The following SPTBN2 variants were observed in gnomAD, a reference collection of about 807,000 sequenced individuals.
SPTBN2 encodes spectrin beta chain, non-erythrocytic 2.
SPTBN2 carries 107 observed loss-of-function variants against 284.2 expected under a neutral mutation model. The ratio of observed to expected loss-of-function variants is 0.38; its 90% CI spans 0.32 to 0.44. SPTBN2 has a LOEUF of 0.44. Ranked by LOEUF, SPTBN2 falls within the 20% of genes least tolerant of loss-of-function variation. The pLI is 1.00. For missense variants in SPTBN2, 2,569 were observed against 3,287.1 expected (o/e 0.78, Z 5.34); for synonymous variants, 1,289 against 1,354.8 (o/e 0.95, Z 1.07).
rs373276784 is a variant in SPTBN2, at chr11:66,689,928, C to T, written c.5826G>A (p.Ala1942=). The T allele has an allele frequency of 1.9e-5, 30 of 1,614,068 alleles. 1 individual carries two copies. The highest frequency in any genetic ancestry group is 5.0e-5 in the Admixed American group (3 of 60,014). Residue 1942 remains alanine, a synonymous_variant, in exon 29 of 38, where the codon GCG becomes GCA. Transcript: ENST00000533211. ...AQERPRDVSS[A]DLVIKNQQGI... ...CTTGCTGGTTCTTGATGACTAGATCCGCGGAGGACACATCCCTGGGGGGAG... is the reference window on the plus strand; with the variant it reads ...CTTGCTGGTTCTTGATGACTAGATCTGCGGAGGACACATCCCTGGGGGGAG...
Position 66,705,124 on chromosome 11 carries a change from C to G in SPTBN2, c.2152G>C (p.Ala718Pro), listed in dbSNP as rs767345391. The change falls in exon 15 of 38, where the codon GCC becomes CCC. Residue 718 changes from alanine to proline, a missense_variant. By Grantham distance (27) the Ala-to-Pro change is conservative (BLOSUM62 -1). This residue lies in a region of SPTBN2 where 1,012 missense variants were observed against 1,248.9 expected (regional missense o/e 0.81). Coordinates refer to ENST00000533211, the MANE Select transcript of SPTBN2 (RefSeq NM_006946.4). ...TGGAGTTCAGCTGCACGGGCAGAGGCCTGGCTTGCCCCAGGGTGACCCTCG... is the reference window on the plus strand; with the variant it reads ...TGGAGTTCAGCTGCACGGGCAGAGGGCTGGCTTGCCCCAGGGTGACCCTCG... ...VAEGHPGASQ[A>P]SARAAELQAQ... The G allele has an allele frequency of 5.2e-6, 8 of 1,546,224 alleles. 1 individual carries two copies. In the South Asian group the frequency reaches 7.0e-5, roughly 14 times the overall value.
At chr11:66,706,255 A>G (rs548882603) in intron 13 of SPTBN2, among the ~76,000 whole-genome samples, 23 of 152,348 alleles carry the variant, frequency 1.5e-4, no homozygotes, top group African/African-American at 5.5e-4. Flanking sequence ...CCTTCTTCAG[A>G]GTAGCCAAAG....
Position 66,692,970 on chromosome 11 carries a change from C to A in SPTBN2, c.4985G>T (p.Ser1662Ile). 1.2e-6 allele frequency: 2 copies of A among 1,604,700 alleles called. No homozygotes were observed. The highest frequency in any genetic ancestry group is 1.7e-6 in the Non-Finnish European group (2 of 1,179,956). ...TGGGCCGGGCTGCCGCTGCACCCAC[C>A]TCTCTGGGTGCTCGTGGTCAATCAT... ...QDMIDHEHPE[S>I]TRISIRQAQV... The change falls in exon 25 of 38, where the codon AGC becomes ATC. Residue 1662 changes from serine (S) to isoleucine (I), a missense_variant and splice_region_variant. Physicochemically the swap from Ser to Ile is moderately radical, Grantham distance 142. Transcript: ENST00000533211.
chr11:66,712,030 C>T (rs1941889899), intron 8 of SPTBN2, among the ~76,000 whole-genome samples: 2 of 152,176 alleles, frequency 1.3e-5, no homozygotes, highest in African/African-American at 2.4e-5. Flanking sequence ...CTGGTTGCAC[C>T]AAGATTGGTC....
Position 66,683,705 on chromosome 11 carries a change from T to TA in SPTBN2, c.*2165dup, listed in dbSNP as rs764640164. ...TTCAATTGGCTGTCCTATTTACACT[T>TA]ACGTGTCGTGTTAAAATAATCATTT... On this transcript the variant is annotated 3_prime_UTR_variant, in exon 38 of 38. Coordinates refer to ENST00000533211, the MANE Select transcript of SPTBN2 (RefSeq NM_006946.4). Among the ~76,000 whole-genome samples the TA allele has an allele frequency of 6.6e-5, 10 of 152,370 alleles. No homozygotes were observed. Among genetic ancestry groups the TA allele is most frequent in the Non-Finnish European group, 8.8e-5 (6 of 68,034 alleles).
intron 1 of SPTBN2, among the ~76,000 whole-genome samples, chr11:66,740,124 G>C (rs537516731): frequency 6.6e-6 from 1 of 152,298 alleles, no homozygotes; most frequent in East Asian, 1.9e-4. Context: ...AATAGGAAAG[G>C]AATGAAATCT....
At position 66,704,759 on chromosome 11, in the gene SPTBN2, G is replaced by A. The variant is rs777787624; in HGVS notation, c.2517C>T (p.Ala839=). The A allele has an allele frequency of 5.6e-6, 9 of 1,604,240 alleles. No individual in the cohort carries two copies. Among genetic ancestry groups the A allele is most frequent in the Non-Finnish European group, 7.6e-6 (9 of 1,177,394 alleles). Residue 839 remains alanine, a synonymous_variant, in exon 15 of 38, where the codon GCC becomes GCT. Coordinates refer to ENST00000533211, the MANE Select transcript of SPTBN2 (RefSeq NM_006946.4). The stretch of plus-strand genomic sequence containing the variant: ...AGGCCCGCGCTCGCTCGCCTGCCCG[G>A]GCCTGCAGCTCCTCGTAGTGCCGCT... ...TLERHYEELQ[A]RAGERARALE...
intron 21 of SPTBN2, among the ~76,000 whole-genome samples, chr11:66,696,065 T>G (rs1940891015): frequency 6.6e-6 from 1 of 152,150 alleles, no homozygotes; most frequent in Non-Finnish European, 1.5e-5. Context: ...ACTGAAGTTC[T>G]CATCGTCAAA....
In SPTBN2 at chr11:66,701,260, C is replaced by T. The variant is rs759694261; in HGVS notation, c.2839G>A (p.Ala947Thr). ...GTGAGAGCTGCCTTCTTGCCGTCTGCCAGACGCCGAAACTGCTGCCACCTG... is the reference window on the plus strand; with the variant it reads ...GTGAGAGCTGCCTTCTTGCCGTCTGTCAGACGCCGAAACTGCTGCCACCTG... ...NHRWQQFRRL[A>T]DGKKAALTSA... Residue 947 changes from alanine to threonine, a missense_variant, in exon 17 of 38, where the codon GCA (alanine) becomes ACA (threonine). Physicochemically the swap from Ala to Thr is moderately conservative, Grantham distance 58. Coordinates refer to ENST00000533211, the MANE Select transcript of SPTBN2 (RefSeq NM_006946.4). 5.6e-6 allele frequency: 9 copies of T among 1,612,662 alleles called. No homozygotes were observed. Among genetic ancestry groups the T allele is most frequent in the Non-Finnish European group, 7.6e-6 (9 of 1,180,020 alleles).
chr11:66,714,782 G>A lies in SPTBN2; in HGVS notation c.484-375C>T, dbSNP rs529203. On this transcript the variant is annotated intron_variant, in intron 5 of 37. Coordinates refer to ENST00000533211, the MANE Select transcript of SPTBN2 (RefSeq NM_006946.4). ...AGGGGGTGATCAGGAACGCTGTGAT[G>A]GCATGAGGACACTGGGGCATGAGGA... 2.4e-3 allele frequency among the ~76,000 whole-genome samples: 368 copies of A among 152,296 alleles called. 2 individuals are homozygous for A. The highest frequency in any genetic ancestry group is 8.4e-3 in the African/African-American group (348 of 41,558).
Position 66,714,836 on chromosome 11 carries a change from G to A in SPTBN2, c.483+386C>T, listed in dbSNP as rs77540717. On this transcript the variant is annotated intron_variant, in intron 5 of 37. Transcript: ENST00000533211. ...GGAGGGTGACTGTTCCATTGGGGGA[G>A]GCAGGCAGAGTTTATGGCAGGGAAT... Among the ~76,000 whole-genome samples, 173 of 152,280 alleles carry A rather than the reference G, an allele frequency of 1.1e-3. 1 individual carries two copies. Among genetic ancestry groups the A allele is most frequent in the African/African-American group, 3.9e-3 (161 of 41,560 alleles).
Position 66,704,866 on chromosome 11 carries a change from C to T in SPTBN2, c.2410G>A (p.Asp804Asn), listed in dbSNP as rs1366502438. The change falls in exon 15 of 38, where the codon GAC becomes AAC. Residue 804 changes from aspartate to asparagine, a missense_variant. Asp to Asn is a conservative substitution (Grantham distance 23). Transcript: ENST00000533211. Reference sequence around the variant, plus strand: ...GCTGCTGCCTGTTCCCTCAAGGCGTCCAGGGTTGGCCGGTGGCTTCGAATC... The same window carrying T: ...GCTGCTGCCTGTTCCCTCAAGGCGTTCAGGGTTGGCCGGTGGCTTCGAATC... ...EEIRSHRPTL[D>N]ALREQAAALP... is the part of the protein sequence containing the mutation. 2 of 1,610,472 alleles carry T rather than the reference C, an allele frequency of 1.2e-6. No individual in the cohort carries two copies. The highest frequency in any genetic ancestry group is 1.1e-5 in the South Asian group (1 of 91,088).
intron 21 of SPTBN2, among the ~76,000 whole-genome samples, chr11:66,695,739 C>T (rs1384528218): frequency 1.3e-5 from 2 of 151,888 alleles, no homozygotes; most frequent in Non-Finnish European, 2.9e-5. Context: ...CTAATTTATA[C>T]TTCTGTTTTT....
Position 66,689,078 on chromosome 11 carries a change from G to A in SPTBN2, c.6034+18C>T. On this transcript the variant is annotated intron_variant, in intron 30 of 37. Coordinates refer to ENST00000533211, the MANE Select transcript of SPTBN2 (RefSeq NM_006946.4). ...CCCCCCACTCCCCACAGGGCCTGGG[G>A]CCCCCTTGGCAGCTCACCCAGCTGA... 6.3e-7 allele frequency: 1 copy of A among 1,597,720 alleles called. No individual in the cohort carries two copies. Among genetic ancestry groups the A allele is most frequent in the Non-Finnish European group, 8.5e-7 (1 of 1,171,060 alleles).
chr11:66,715,708 G>C lies in SPTBN2; in HGVS notation c.309+122C>G, dbSNP rs1214796388. The C allele has an allele frequency of 1.5e-6, 2 of 1,361,798 alleles. No individual in the cohort carries two copies. Among genetic ancestry groups the C allele is most frequent in the Non-Finnish European group, 2.0e-6 (2 of 983,114 alleles). 84.4% of individuals were successfully genotyped at this position (1,361,798 alleles called of 1,614,324 possible). On this transcript the variant is annotated intron_variant, in intron 4 of 37. Transcript: ENST00000533211. This position sits in a 1 kb window ranked among gnomAD's most constrained non-coding sequence, Gnocchi z 5.3. ...GGCACTTGAAATGAACCCATCCTCT[G>C]AGCAGAGGGAGCCACTGCTTCCCGC...
Position 66,693,871 on chromosome 11 carries a change from G to A in SPTBN2, c.4504-10C>T, listed in dbSNP as rs778258249. On this transcript the variant is annotated splice_polypyrimidine_tract_variant and intron_variant, in intron 22 of 37. Coordinates refer to ENST00000533211, the MANE Select transcript of SPTBN2 (RefSeq NM_006946.4). This position sits in a 1 kb window ranked among gnomAD's most constrained non-coding sequence, Gnocchi z 5.7. ...GCTCTGTCACCCACAACTGGAAGAGGAAGAGGGGGTCAGTGGAGGCCCAGA... is the reference window on the plus strand; with the variant it reads ...GCTCTGTCACCCACAACTGGAAGAGAAAGAGGGGGTCAGTGGAGGCCCAGA... The A allele has an allele frequency of 2.5e-5, 41 of 1,613,278 alleles. 2 individuals are homozygous for A. The South Asian group carries it at 4.4e-4, about 17-fold the overall frequency.
chr11:66,682,644 G>A lies in SPTBN2; in HGVS notation c.*3227C>T, dbSNP rs1939863660. 1.3e-5 allele frequency among the ~76,000 whole-genome samples: 2 copies of A among 152,146 alleles called. No individual in the cohort carries two copies. The highest frequency in any genetic ancestry group is 1.5e-5 in the Non-Finnish European group (1 of 68,030). On this transcript the variant is annotated 3_prime_UTR_variant, in exon 38 of 38. Coordinates refer to ENST00000533211, the MANE Select transcript of SPTBN2 (RefSeq NM_006946.4). ...GGTGTTTCAGAGTCATGACACACTT[G>A]GTTTGGCTACATCTCAGTAGCCACA...
rs1020694665 is a variant in SPTBN2, at chr11:66,699,498, G to A, written c.3684C>T (p.Ile1228=). 1.9e-6 allele frequency: 3 copies of A among 1,614,184 alleles called. No individual in the cohort carries two copies. Among genetic ancestry groups the A allele is most frequent in the East Asian group, 2.2e-5 (1 of 44,890 alleles). ...GGCGGCCAGCCTCCAGGAGCCCGTG[G>A]ATCCGTTCCCCATTGGCGTCCATGG... The part of the protein sequence containing the change: ...MSTMDANGER[I]HGLLEAGRQL... Residue 1228 remains isoleucine (I), a synonymous_variant, in exon 18 of 38, where the codon ATC becomes ATT. Coordinates refer to ENST00000533211, the MANE Select transcript of SPTBN2 (RefSeq NM_006946.4).
At position 66,715,314 on chromosome 11, in the gene SPTBN2, C is replaced by A; in HGVS notation, c.391G>T (p.Val131Leu). Residue 131 changes from valine (V) to leucine (L), a missense_variant, in exon 5 of 38, where the codon GTG (valine) becomes TTG (leucine). This residue lies in a region of SPTBN2 where 304 missense variants were observed against 522.1 expected (regional missense o/e 0.58). Coordinates refer to ENST00000533211, the MANE Select transcript of SPTBN2 (RefSeq NM_006946.4). The surrounding 1 kb of genome is among the most constrained non-coding windows in gnomAD (Gnocchi z 5.3). ...KALQFLKEQK[V>L]HLENMGSHDI... ...TGGGAGCCCATGTTTTCCAAGTGCACTTTCTGCTCCTTGAGGAACTGCAGT... is the reference window on the plus strand; with the variant it reads ...TGGGAGCCCATGTTTTCCAAGTGCAATTTCTGCTCCTTGAGGAACTGCAGT... 6.2e-7 allele frequency: 1 copy of A among 1,614,248 alleles called. No individual in the cohort carries two copies. The highest frequency in any genetic ancestry group is 8.5e-7 in the Non-Finnish European group (1 of 1,180,036).
Sources: allele counts gnomAD v4.1 joint callset (sites outside exome capture counted in the v4.1 genomes callset), GRCh38; gene constraint gnomAD v4.1.1; regional missense constraint gnomAD v4.1.1; non-coding constraint Gnocchi (gnomAD v3.1); transcripts MANE v1.5; gene names NCBI Gene and HGNC (gene_info 2026-07-23, HGNC 2026-07-21).